Variants in GCC2 observed in about 807,000 individuals in gnomAD.
The protein encoded by GCC2 is GRIP and coiled-coil domain-containing protein 2.
In GCC2, 120 loss-of-function variants were observed where a neutral mutation model predicts 210.6. That is an observed-to-expected ratio of 0.57 (90% CI 0.49 to 0.66). The LOEUF is 0.66. GCC2 is among the 30% of genes least tolerant of loss of function. The pLI is 0.00. For synonymous variants in GCC2, 703 were observed against 652.7 expected (o/e 1.08, Z -1.17); for missense variants, 1,868 against 1,871.9 (o/e 1.00, Z 0.04).
At chr2:108,474,816 T>C (rs542133511) in intron 7 of GCC2, 1 of 152,254 alleles carries the variant, frequency 6.6e-6, no homozygotes, top group South Asian at 2.1e-4. Flanking sequence ...AGGGGAAAAT[T>C]ATTGCTGCAG....
chr2:108,491,840 A>G (rs368598772), intron 18 of GCC2, among the ~76,000 whole-genome samples: 53 of 151,986 alleles, frequency 3.5e-4, no homozygotes, highest in South Asian at 1.9e-3. Flanking sequence ...TAAACCATTA[A>G]AAGTGATGGT....
intron 4 of GCC2, among the ~76,000 whole-genome samples, chr2:108,460,819 A>G (rs1680528609): frequency 6.6e-6 from 1 of 152,172 alleles, no homozygotes; most frequent in Non-Finnish European, 1.5e-5. Flanking sequence ...CATGGGGATG[A>G]ACATGAACTT....
Position 108,451,130 on chromosome 2 carries a change from CTCAT to C in GCC2, c.148+19_148+22del. ...GTGTACAGGTATTGGGTTGAAAATA[CTCAT>C]CTTGATCACAGTCTCTTTAATCGTG... is the stretch of plus-strand genomic sequence containing the variant. On this transcript the variant is annotated intron_variant, in intron 3 of 22. Transcript: ENST00000309863. The C allele has an allele frequency of 7.1e-7, 1 of 1,413,790 alleles. No individual in the cohort carries two copies. Among genetic ancestry groups the C allele is most frequent in the Non-Finnish European group, 1.0e-6 (1 of 1,002,132 alleles). The allele number at this position is 1,413,790 out of a possible 1,614,324, so 87.6% of individuals were successfully genotyped here.
chr2:108,475,552 T>C lies in GCC2; in HGVS notation c.2878T>C (p.Cys960Arg), dbSNP rs1234487157. ...ATTTTTAGAAAATCTGGAAAAAGAATGCAAAGAAAAGGAGGAGAAAATAAA... is the reference window on the plus strand; with the variant it reads ...ATTTTTAGAAAATCTGGAAAAAGAACGCAAAGAAAAGGAGGAGAAAATAAA... ...EEKIENLEKE[C>R]KEKEEKINKI... The change falls in exon 8 of 23, where the codon TGC becomes CGC. Residue 960 changes from cysteine to arginine, a missense_variant. By Grantham distance (180) the Cys-to-Arg change is radical. Coordinates refer to ENST00000309863, the MANE Select transcript of GCC2 (RefSeq NM_181453.4). 1 of 1,467,758 alleles carries C rather than the reference T, an allele frequency of 6.8e-7. No individual in the cohort carries two copies. Among genetic ancestry groups the C allele is most frequent in the Non-Finnish European group, 9.2e-7 (1 of 1,087,842 alleles). The allele number at this position is 1,467,758 out of a possible 1,614,324, so 90.9% of individuals were successfully genotyped here. A position where few individuals can be genotyped will look rare whatever the true frequency, so the allele number is the denominator to read the frequency against.
chr2:108,499,934 G>A (rs1451714099), intron 22 of GCC2, among the ~76,000 whole-genome samples, 180 bp downstream of exon 22: 1 of 152,210 alleles, frequency 6.6e-6, no homozygotes, highest in Non-Finnish European at 1.5e-5. Context: ...GGCAACTGTA[G>A]TACATTTATA....
At chr2:108,452,344 C>A in intron 3 of GCC2, 55 bp from the exon 4 acceptor site, 1 of 906,472 alleles carries the variant, frequency 1.1e-6, no homozygotes, top group South Asian at 1.3e-5. Flanking sequence ...ATCAGTTTCC[C>A]AGTAATTATG....
At chr2:108,456,814 T>A (rs1433288752) in intron 4 of GCC2, among the ~76,000 whole-genome samples, 1 of 152,058 alleles carries the variant, frequency 6.6e-6, no homozygotes, top group East Asian at 1.9e-4. Context: ...CCAGACATGG[T>A]GGAACATGCC....
chr2:108,485,450 G>A (rs901413414), intron 13 of GCC2, among the ~76,000 whole-genome samples, 186 bp from the exon 14 acceptor site: 1 of 152,092 alleles, frequency 6.6e-6, no homozygotes, highest in African/African-American at 2.4e-5. Flanking sequence ...TGTTACAGCC[G>A]GGAGTTGGGT....
intron 3 of GCC2, 28 bp from the exon 4 acceptor site, chr2:108,452,371 C>A: frequency 1.7e-6 from 2 of 1,145,280 alleles, no homozygotes; most frequent in Non-Finnish European, 1.3e-6. Context: ...ATTTCTGAAC[C>A]GGAGTCCTTT....
chr2:108,477,152 AT>A (rs1226016498), intron 9 of GCC2, among the ~76,000 whole-genome samples: 3 of 151,666 alleles, frequency 2.0e-5, no homozygotes, highest in Admixed American at 6.6e-5. Flanking sequence ...GAGTAGCTAA[AT>A]TTTTTTTTAA....
intron 22 of GCC2, among the ~76,000 whole-genome samples, chr2:108,506,219 A>C (rs1244073874): frequency 1.3e-5 from 2 of 152,240 alleles, no homozygotes; most frequent in East Asian, 3.8e-4. Context: ...AACGAGGAAG[A>C]TCTCAGTTAT....
Position 108,471,607 on chromosome 2 carries a change from T to G in GCC2, c.2278T>G (p.Tyr760Asp). 6.2e-7 allele frequency: 1 copy of G among 1,613,410 alleles called. No homozygotes were observed. The highest frequency in any genetic ancestry group is 1.3e-5 in the African/African-American group (1 of 75,004). Residue 760 changes from tyrosine (Y) to aspartate (D), a missense_variant, in exon 6 of 23, where the codon TAT (tyrosine) becomes GAT (aspartate). Transcript: ENST00000309863. The stretch of plus-strand genomic sequence containing the variant: ...GAAGTTATTTGTTAAAACTCAGTTG[T>G]ATGGTTTTCTTAAAGAAATGGGATC... ...VQKLFVKTQL[Y>D]GFLKEMGSEV...
rs577540572 is a variant in GCC2, at chr2:108,497,324, G to T, written c.4782+215G>T. Among the ~76,000 whole-genome samples, 70 of 152,274 alleles carry T rather than the reference G, an allele frequency of 4.6e-4. No homozygotes were observed. In the South Asian group the frequency reaches 7.7e-3, roughly 17 times the overall value. ...AGTAGAGACAGGGTTTACCATGTTA[G>T]CCAGGATGGTCTCGATCTCCTGACC... On this transcript the variant is annotated intron_variant, in intron 21 of 22. Coordinates refer to ENST00000309863, the MANE Select transcript of GCC2 (RefSeq NM_181453.4).
chr2:108,473,597 C>T (rs1428854415), intron 7 of GCC2, among the ~76,000 whole-genome samples: 1 of 152,078 alleles, frequency 6.6e-6, no homozygotes, highest in East Asian at 1.9e-4. Flanking sequence ...ATATAAGAAT[C>T]AGGAAACGAA....
intron 17 of GCC2, among the ~76,000 whole-genome samples, chr2:108,489,029 T>A (rs1682277660): frequency 1.3e-5 from 2 of 152,352 alleles, no homozygotes; most frequent in South Asian, 4.1e-4. Flanking sequence ...GTGTTCCTTC[T>A]ACTTTCTTAT....
chr2:108,501,772 G>A lies in GCC2; in HGVS notation c.4984+2018G>A, dbSNP rs558512941. On this transcript the variant is annotated intron_variant, in intron 22 of 22. Coordinates refer to ENST00000309863, the MANE Select transcript of GCC2 (RefSeq NM_181453.4). ...TTCTGGTCTGGAGCCCATACCTTGA[G>A]AACCCCTGGTCTAGAGGCCTGATAA... is the stretch of plus-strand genomic sequence containing the variant. 1.4e-3 allele frequency among the ~76,000 whole-genome samples: 218 copies of A among 152,242 alleles called. No homozygotes were observed. The Middle Eastern group carries it at 0.031, about 21-fold the overall frequency.
In GCC2 at chr2:108,449,243, G is replaced by A; in HGVS notation, c.-32G>A. The A allele has an allele frequency of 6.5e-7, 1 of 1,547,676 alleles. No individual in the cohort carries two copies. Among genetic ancestry groups the A allele is most frequent in the Non-Finnish European group, 8.7e-7 (1 of 1,144,012 alleles). On this transcript the variant is annotated 5_prime_UTR_variant, in exon 1 of 23. Coordinates refer to ENST00000309863, the MANE Select transcript of GCC2 (RefSeq NM_181453.4). ...AAACAGAAGTGCAGCGGTGGCGGCG[G>A]CTGGTTGCGGGCCGGCGGCGGGCTG...
At chr2:108,493,050 T>G (rs368029759) in intron 19 of GCC2, among the ~76,000 whole-genome samples, 53 of 151,878 alleles carry the variant, frequency 3.5e-4, no homozygotes, top group South Asian at 1.9e-3. Context: ...TGGAAAGGAG[T>G]ATTTCTTTTT....
At chr2:108,493,310 G>A (rs1428489777) in intron 19 of GCC2, 13 of 622,826 alleles carry the variant, frequency 2.1e-5, no homozygotes, top group East Asian at 2.5e-4. Flanking sequence ...GGATAGTCTC[G>A]ATCTCCTGAC....
Sources: allele counts gnomAD v4.1 joint callset (sites outside exome capture counted in the v4.1 genomes callset), GRCh38; gene constraint gnomAD v4.1.1; transcripts MANE v1.5; gene names NCBI Gene and HGNC (gene_info 2026-07-23, HGNC 2026-07-21).